CDH18: variants seen among roughly 807,000 people sequenced by gnomAD.
CDH18 encodes the protein cadherin-18.
Under a neutral mutation model 67.9 loss-of-function variants are expected in CDH18, and 31 were observed. The ratio of observed to expected loss-of-function variants is 0.46; its 90% CI spans 0.34 to 0.62. CDH18 has a LOEUF of 0.62. Among genes scored for constraint, CDH18 ranks in the 20% least tolerant of loss-of-function variants. The pLI is 0.01. For missense variants in CDH18, 890 were observed against 975.5 expected, an observed-to-expected ratio of 0.91 and a Z score of 1.17; for synonymous variants, 362 against 347.2, an observed-to-expected ratio of 1.04 and a Z score of -0.48.
chr5:19,943,288 G>T (rs976077232), intron 2 of CDH18, among the ~76,000 whole-genome samples: 2 of 151,972 alleles, frequency 1.3e-5, no homozygotes, highest in Admixed American at 6.6e-5. Context: ...ATTCAAATGT[G>T]GTCTCTTGAA....
At chr5:19,847,879 C>T (rs929028990) in intron 2 of CDH18, among the ~76,000 whole-genome samples, 2 of 152,092 alleles carry the variant, frequency 1.3e-5, no homozygotes, top group African/African-American at 4.8e-5. Flanking sequence ...TTTCTGGTGT[C>T]TATATGGTGT....
At chr5:19,650,408 G>T (rs1277085136) in intron 5 of CDH18, among the ~76,000 whole-genome samples, 1 of 152,098 alleles carries the variant, frequency 6.6e-6, no homozygotes, top group East Asian at 1.9e-4. Flanking sequence ...TTTTAAATTC[G>T]TATTGTAGAT....
chr5:20,306,705 A>G (rs1394549249), intron 1 of CDH18, among the ~76,000 whole-genome samples: 2 of 152,208 alleles, frequency 1.3e-5, no homozygotes, highest in Non-Finnish European at 2.9e-5. Context: ...GCTAAGGGGA[A>G]ATCACAAAGG....
In CDH18 at chr5:19,473,154, C is replaced by T. The variant is rs867137488; in HGVS notation, c.*72G>A. 1.9e-6 allele frequency: 3 copies of T among 1,550,636 alleles called. No individual in the cohort carries two copies. In the African/African-American group the frequency reaches 4.1e-5, roughly 21 times the overall value. ...TCCAAGTACTGTTTCCACACTTCTT[C>T]CTTGTCATTGCTGAGGTTGTATATC... is the stretch of plus-strand genomic sequence containing the variant. On this transcript the variant is annotated 3_prime_UTR_variant, in exon 13 of 13. Transcript: ENST00000382275.
intron 2 of CDH18, among the ~76,000 whole-genome samples, chr5:20,080,490 G>C (rs74486754): frequency 1.3e-5 from 2 of 152,138 alleles, no homozygotes; most frequent in Non-Finnish European, 2.9e-5. Context: ...ACAGCTTACA[G>C]ATCACAAGAG....
At chr5:20,060,239 C>A (rs568502894) in intron 2 of CDH18, among the ~76,000 whole-genome samples, 1 of 152,052 alleles carries the variant, frequency 6.6e-6, no homozygotes, top group African/African-American at 2.4e-5. Flanking sequence ...CCGAGGTGGG[C>A]AGATCACCTG....
chr5:19,672,150 C>A (rs570254425), intron 5 of CDH18, among the ~76,000 whole-genome samples: 1 of 152,110 alleles, frequency 6.6e-6, no homozygotes, highest in Non-Finnish European at 1.5e-5. Context: ...ACAGCTGCAT[C>A]CTGATACAGA....
intron 2 of CDH18, among the ~76,000 whole-genome samples, chr5:19,905,435 T>C (rs1402294696): frequency 6.6e-6 from 1 of 150,802 alleles, no homozygotes. Context: ...TTTAAAATAT[T>C]GGAAGATAAA....
In CDH18 at chr5:19,762,457, A is replaced by C. The variant is rs1258100851; in HGVS notation, c.229-15221T>G. Among the ~76,000 whole-genome samples the C allele has an allele frequency of 2.0e-5, 3 of 152,308 alleles. 1 individual carries two copies. In the East Asian group the frequency reaches 5.8e-4, roughly 29 times the overall value. On this transcript the variant is annotated intron_variant, in intron 3 of 12. Transcript: ENST00000382275. Reference sequence around the variant, plus strand: ...AGTGTATGAACAGACACTTCAAAAGAAGACATTTATGCAGCCAACAGACAC... The same window carrying C: ...AGTGTATGAACAGACACTTCAAAAGCAGACATTTATGCAGCCAACAGACAC...
chr5:19,854,400 C>T (rs1480557607), intron 2 of CDH18, among the ~76,000 whole-genome samples: 1 of 152,082 alleles, frequency 6.6e-6, no homozygotes, highest in Non-Finnish European at 1.5e-5. Context: ...ATAAATTCTA[C>T]TTCTAGGAAT....
intron 1 of CDH18, among the ~76,000 whole-genome samples, chr5:20,438,250 A>ATATATG (rs1749332392): frequency 1.3e-5 from 2 of 150,374 alleles, no homozygotes; most frequent in South Asian, 4.2e-4. Flanking sequence ...ATATATATAT[A>ATATATG]TATGTATGTA....
At chr5:19,538,070 C>T (rs962621027) in intron 9 of CDH18, among the ~76,000 whole-genome samples, 1 of 152,084 alleles carries the variant, frequency 6.6e-6, no homozygotes, top group African/African-American at 2.4e-5. Flanking sequence ...TAGTTCCTAA[C>T]AAAGAGTTGG....
chr5:20,161,524 G>A (rs1228789679), intron 2 of CDH18, among the ~76,000 whole-genome samples: 1 of 152,150 alleles, frequency 6.6e-6, no homozygotes, highest in East Asian at 1.9e-4. Flanking sequence ...AGTTCATTGA[G>A]GTAACCAGAG....
intron 3 of CDH18, among the ~76,000 whole-genome samples, chr5:19,768,848 G>GA (rs1302969164): frequency 2.6e-5 from 4 of 151,592 alleles, no homozygotes; most frequent in South Asian, 2.1e-4. Context: ...TCACAAAATA[G>GA]AAAAAATCAA....
At chr5:20,388,601 C>T (rs1404718997) in intron 1 of CDH18, among the ~76,000 whole-genome samples, 1 of 151,908 alleles carries the variant, frequency 6.6e-6, no homozygotes, top group Non-Finnish European at 1.5e-5. Context: ...TATTTCATGC[C>T]TTCTGCTAGC....
chr5:20,215,428 T>A (rs1337511349), intron 2 of CDH18, among the ~76,000 whole-genome samples: 2 of 142,096 alleles, frequency 1.4e-5, no homozygotes, highest in Non-Finnish European at 3.0e-5. Flanking sequence ...AGCTCTTCCA[T>A]CCAAAAAATA....
rs535731631 is a variant in CDH18, at chr5:20,532,977, C to T, written c.-580+42485G>A. 7.9e-5 allele frequency among the ~76,000 whole-genome samples: 12 copies of T among 152,008 alleles called. No homozygotes were observed. The South Asian group carries it at 2.5e-3, about 32-fold the overall frequency. On this transcript the variant is annotated intron_variant, in intron 1 of 14. Coordinates refer to the CDH18 transcript ENST00000507958. ...CCAACTCCTATGCTGAAGTCCTCTC[C>T]CCCAGGGCTTCAGACTGTGACGTTT...
At chr5:20,375,043 T>A (rs575465816) in intron 1 of CDH18, among the ~76,000 whole-genome samples, 1 of 152,304 alleles carries the variant, frequency 6.6e-6, no homozygotes, top group South Asian at 2.1e-4. Flanking sequence ...ATTTTAAATA[T>A]TTATATGAGG....
At position 19,893,136 on chromosome 5, in the gene CDH18, GC is replaced by G. The variant is rs992533861; in HGVS notation, c.-256-53895del. 2.0e-4 allele frequency among the ~76,000 whole-genome samples: 30 copies of G among 151,440 alleles called. 1 individual carries two copies. The highest frequency in any genetic ancestry group is 1.4e-3 in the Admixed American group (21 of 15,222). On this transcript the variant is annotated intron_variant, in intron 2 of 12. Transcript: ENST00000382275. ...CCCAAACAGCTCCCTCTGCCCCTCTGCCTCTGAGGACACAGGAGAAGGTACC... is the reference window on the plus strand; with the variant it reads ...CCCAAACAGCTCCCTCTGCCCCTCTGCTCTGAGGACACAGGAGAAGGTACC...
Sources: allele counts gnomAD v4.1 joint callset (sites outside exome capture counted in the v4.1 genomes callset), GRCh38; gene constraint gnomAD v4.1.1; transcripts MANE v1.5; gene names NCBI Gene and HGNC (gene_info 2026-07-23, HGNC 2026-07-21).